Variants in RELN observed in about 807,000 individuals in gnomAD.
The protein encoded by RELN is reelin.
RELN carries 108 observed loss-of-function variants against 427.6 expected under a neutral mutation model. The ratio of observed to expected loss-of-function variants is 0.25; its 90% CI spans 0.22 to 0.30. RELN has a LOEUF of 0.30. Ranked by LOEUF, RELN falls within the 10% of genes least tolerant of loss-of-function variation. The pLI is 1.00. For missense variants in RELN, 3,715 were observed against 4,302.8 expected (o/e 0.86, Z 3.82); for synonymous variants, 1,524 against 1,513.4 (o/e 1.01, Z -0.16).
intron 4 of RELN, among the ~76,000 whole-genome samples, chr7:103,755,815 G>GAAAAAAAA (rs4006762): frequency 2.9e-5 from 3 of 103,618 alleles, no homozygotes; most frequent in Admixed American, 1.2e-4. Flanking sequence ...TCCACCTCAA[G>GAAAAAAAA]AAAAAAAAAA....
chr7:103,495,687 T>A, intron 57 of RELN, 36 bp downstream of exon 57: 1 of 1,604,508 alleles, frequency 6.2e-7, no homozygotes, highest in Non-Finnish European at 8.5e-7. Flanking sequence ...CCAAATGCAA[T>A]GCTACTTTCT....
intron 1 of RELN, among the ~76,000 whole-genome samples, chr7:103,974,639 G>C (rs1037504648): frequency 3.3e-5 from 5 of 152,202 alleles, no homozygotes; most frequent in African/African-American, 1.2e-4. Context: ...CTCAGCTGCT[G>C]TTCCCTTTGT....
intron 2 of RELN, among the ~76,000 whole-genome samples, chr7:103,849,695 A>C (rs1025091903): frequency 6.6e-6 from 1 of 152,174 alleles, no homozygotes; most frequent in African/African-American, 2.4e-5. Flanking sequence ...TGAACTATGG[A>C]CCACATGTCA....
intron 3 of RELN, among the ~76,000 whole-genome samples, chr7:103,786,039 G>T (rs1414558259): frequency 1.3e-5 from 2 of 151,932 alleles, no homozygotes; most frequent in African/African-American, 4.8e-5. Context: ...GACAGTAATG[G>T]TGTTTTCCTG....
chr7:103,534,620 T>TG (rs1358149810), intron 46 of RELN, among the ~76,000 whole-genome samples: 3 of 152,094 alleles, frequency 2.0e-5, no homozygotes, highest in Non-Finnish European at 4.4e-5. Context: ...CCTGAGTGGC[T>TG]GGGACTGCAG....
intron 2 of RELN, among the ~76,000 whole-genome samples, chr7:103,889,277 TGCTGGCAGCTCCTGA>T (rs374789297): frequency 1.3e-5 from 2 of 152,316 alleles, no homozygotes; most frequent in African/African-American, 4.8e-5. Flanking sequence ...TGATCAGCTT[TGCTGGCAGCTCCTGA>T]GCTACACGGG....
chr7:103,540,162 C>T lies in RELN; in HGVS notation c.6930+35G>A, dbSNP rs377331615. 6.4e-5 allele frequency: 103 copies of T among 1,612,868 alleles called. No individual in the cohort carries two copies. The African/African-American group carries it at 6.8e-4, about 11-fold the overall frequency. Reference sequence around the variant, plus strand: ...CTAAGGCCACATTCAGCTCAAGTGACGACAATTAAAATAGTTAATCCTGAA... The same window carrying T: ...CTAAGGCCACATTCAGCTCAAGTGATGACAATTAAAATAGTTAATCCTGAA... On this transcript the variant is annotated intron_variant, in intron 44 of 64. Transcript: ENST00000428762.
chr7:103,611,233 C>CA (rs1831947162), intron 21 of RELN, among the ~76,000 whole-genome samples: 1 of 152,172 alleles, frequency 6.6e-6, no homozygotes, highest in South Asian at 2.1e-4. Flanking sequence ...TTTCTAAAGA[C>CA]AAGAAATACC....
At chr7:103,501,570 A>C (rs1829030561) in intron 52 of RELN, among the ~76,000 whole-genome samples, 1 of 152,234 alleles carries the variant, frequency 6.6e-6, no homozygotes, top group Non-Finnish European at 1.5e-5. Flanking sequence ...TGGTTTAAAG[A>C]ATCCAAAGTA....
chr7:103,577,401 T>C (rs553891369), intron 28 of RELN, among the ~76,000 whole-genome samples: 7 of 152,316 alleles, frequency 4.6e-5, no homozygotes, highest in Admixed American at 1.3e-4. Flanking sequence ...TCAGAGATAA[T>C]TGCCTATTAA....
At chr7:103,807,779 A>C (rs967816765) in intron 3 of RELN, among the ~76,000 whole-genome samples, 8 of 152,148 alleles carry the variant, frequency 5.3e-5, no homozygotes, top group Admixed American at 6.6e-5. Flanking sequence ...ATGTTGCTGC[A>C]AAGGGCATGA....
chr7:103,922,886 G>A (rs1343991160), intron 1 of RELN, among the ~76,000 whole-genome samples: 1 of 144,804 alleles, frequency 6.9e-6, no homozygotes, highest in Non-Finnish European at 1.5e-5. Context: ...CCTTTAATAT[G>A]TGCAGAAAAG....
intron 1 of RELN, among the ~76,000 whole-genome samples, chr7:103,938,528 T>C (rs1796037031): frequency 6.6e-6 from 1 of 152,246 alleles, no homozygotes; most frequent in Non-Finnish European, 1.5e-5. Flanking sequence ...AAAAATGATC[T>C]AAAACCTTGT....
At chr7:103,814,470 G>C (rs1792820858) in intron 3 of RELN, among the ~76,000 whole-genome samples, 1 of 152,172 alleles carries the variant, frequency 6.6e-6, no homozygotes, top group Non-Finnish European at 1.5e-5. Flanking sequence ...AAGTAAGCCT[G>C]TTCCAGAAAA....
intron 6 of RELN, among the ~76,000 whole-genome samples, chr7:103,738,971 G>A (rs1168456167): frequency 1.3e-5 from 2 of 152,064 alleles, no homozygotes; most frequent in African/African-American, 2.4e-5. Flanking sequence ...GTGAGCCATT[G>A]TGCCTGGCCT....
chr7:103,844,348 T>C (rs940639348), intron 2 of RELN, among the ~76,000 whole-genome samples: 1 of 152,104 alleles, frequency 6.6e-6, no homozygotes, highest in Non-Finnish European at 1.5e-5. Flanking sequence ...ATATCAAAAT[T>C]ACTACTCAGC....
intron 9 of RELN, among the ~76,000 whole-genome samples, chr7:103,699,395 T>A (rs1303634296): frequency 2.6e-5 from 4 of 152,168 alleles, no homozygotes; most frequent in Admixed American, 2.6e-4. Flanking sequence ...AGAATTGAAA[T>A]TGATGAAGAG....
chr7:103,674,474 C>T (rs766322564), intron 11 of RELN, among the ~76,000 whole-genome samples: 60 of 152,024 alleles, frequency 3.9e-4, no homozygotes, highest in Non-Finnish European at 6.6e-4. Context: ...TTCATATCTG[C>T]TATTCTCTCT....
intron 11 of RELN, among the ~76,000 whole-genome samples, chr7:103,661,920 T>G (rs999177647): frequency 1.3e-5 from 2 of 152,192 alleles, no homozygotes; most frequent in African/African-American, 2.4e-5. Flanking sequence ...AATACTTGTA[T>G]GATGTTTTAC....
Sources: allele counts gnomAD v4.1 joint callset (sites outside exome capture counted in the v4.1 genomes callset), GRCh38; gene constraint gnomAD v4.1.1; transcripts MANE v1.5; gene names NCBI Gene and HGNC (gene_info 2026-07-23, HGNC 2026-07-21).